ALDH5A1: variants seen among roughly 807,000 people sequenced by gnomAD.
ALDH5A1 encodes the protein aldehyde dehydrogenase 5 family member A1.
Under a neutral mutation model 54.7 loss-of-function variants are expected in ALDH5A1, and 33 were observed. That is an observed-to-expected ratio of 0.60 (90% CI 0.46 to 0.81). ALDH5A1 has a LOEUF of 0.81. Among genes scored for constraint, ALDH5A1 ranks in the 30% least tolerant of loss-of-function variants. The pLI is 0.00. For synonymous variants in ALDH5A1, 294 were observed against 292.7 expected (o/e 1.00, Z -0.05); for missense variants, 657 against 711.0 (o/e 0.92, Z 0.86).
chr6:24,528,186 G>T lies in ALDH5A1; in HGVS notation c.1343+20G>T. On this transcript the variant is annotated intron_variant, in intron 8 of 9. Coordinates refer to ENST00000357578, the MANE Select transcript of ALDH5A1 (RefSeq NM_001080.3). ...TATCAAGTAAGATCCTCCAGCCAGC[G>T]GGGAGATGGGAGGAAGAATAGAAGA... 1 of 1,613,086 alleles carries T rather than the reference G, an allele frequency of 6.2e-7. No individual in the cohort carries two copies. Among genetic ancestry groups the T allele is most frequent in the East Asian group, 2.2e-5 (1 of 44,856 alleles).
chr6:24,506,243 CTTTTTTTTTTTTTTTTTTT>C (rs70974913), intron 4 of ALDH5A1, among the ~76,000 whole-genome samples: 1 of 52,132 alleles, frequency 1.9e-5, no homozygotes, highest in Non-Finnish European at 3.4e-5. Context: ...TTCCTGGTTC[CTTTTTTTTTTTTTTTTTTT>C]TTTTTTTTTT....
intron 9 of ALDH5A1, 95 bp from the exon 10 acceptor site, chr6:24,533,412 C>T (rs1759973057): frequency 3.7e-6 from 5 of 1,353,232 alleles, no homozygotes; most frequent in Admixed American, 3.7e-5. Flanking sequence ...GCCCAAGTGG[C>T]TGGACAAAAA....
intron 6 of ALDH5A1, among the ~76,000 whole-genome samples, chr6:24,522,322 A>ATAAG (rs934809309): frequency 6.6e-6 from 1 of 152,096 alleles, no homozygotes; most frequent in Admixed American, 6.6e-5. Flanking sequence ...ACAAAAGACT[A>ATAAG]TAAGTTGGTG....
intron 1 of ALDH5A1, among the ~76,000 whole-genome samples, chr6:24,502,141 G>A (rs1028162523): frequency 2.6e-5 from 4 of 152,076 alleles, no homozygotes; most frequent in Non-Finnish European, 4.4e-5. Context: ...TACCAGGAAT[G>A]ACAATGTCTG....
rs1210327734 is a variant in ALDH5A1 at position 24,509,334 on chromosome 6, G to T, written c.726+4349G>T. Among the ~76,000 whole-genome samples the T allele has an allele frequency of 6.6e-6, 1 of 152,114 alleles. No individual in the cohort carries two copies. The highest frequency in any genetic ancestry group is 1.5e-5 in the Non-Finnish European group (1 of 68,010). On this transcript the variant is annotated intron_variant, in intron 4 of 9. Transcript: ENST00000357578. This position sits in a 1 kb window ranked among gnomAD's most constrained non-coding sequence, Gnocchi z 4.7. ...GATCCAGTTTTATTTTCCCACATGT[G>T]GCTTGCCAATTATCCCAGCACCATT...
rs1410523920 is a variant in ALDH5A1, at chr6:24,526,974, G to GTGTGTATA, written c.1174-1022_1174-1021insGTGTATAT. ...ATCTAATATATATATATGTGTGTGT[G>GTGTGTATA]TATATATATATATATATATATATAT... On this transcript the variant is annotated intron_variant, in intron 7 of 9. Coordinates refer to ENST00000357578, the MANE Select transcript of ALDH5A1 (RefSeq NM_001080.3). Among the ~76,000 whole-genome samples the GTGTGTATA allele has an allele frequency of 5.9e-4, 18 of 30,608 alleles. 1 individual carries two copies. The highest frequency in any genetic ancestry group is 1.8e-3 in the African/African-American group (18 of 10,150). The allele number at this position is 30,608 out of a possible 152,430, so 20.1% of individuals were successfully genotyped here.
chr6:24,510,185 A>G (rs544437047), intron 4 of ALDH5A1, among the ~76,000 whole-genome samples: 6 of 152,026 alleles, frequency 3.9e-5, no homozygotes, highest in East Asian at 1.9e-4. Flanking sequence ...TATAATTTCA[A>G]TTTTCTTAAA....
At chr6:24,520,837 C>T (rs1035830568) in intron 6 of ALDH5A1, among the ~76,000 whole-genome samples, 2 of 152,202 alleles carry the variant, frequency 1.3e-5, no homozygotes, top group African/African-American at 4.8e-5. Flanking sequence ...GGTACAGTCC[C>T]TGGCTTCAAA....
At chr6:24,513,628 T>C (rs959933287) in intron 4 of ALDH5A1, among the ~76,000 whole-genome samples, 18 of 144,330 alleles carry the variant, frequency 1.2e-4, no homozygotes, top group Non-Finnish European at 2.6e-4. Context: ...GGCTGGACTC[T>C]CCATGCCCTT....
intron 4 of ALDH5A1, among the ~76,000 whole-genome samples, chr6:24,510,710 G>T (rs974731466): frequency 1.1e-4 from 16 of 152,042 alleles, no homozygotes; most frequent in Admixed American, 1.0e-3. Context: ...GTATTAGGTG[G>T]GTCTCTTAAA....
intron 1 of ALDH5A1, among the ~76,000 whole-genome samples, chr6:24,496,775 A>G (rs1451806272): frequency 6.6e-6 from 1 of 152,192 alleles, no homozygotes; most frequent in Non-Finnish European, 1.5e-5. Context: ...TTCTTCTTTT[A>G]AAAACAGGAG....
rs1448473781 is a variant in ALDH5A1 at position 24,535,021 on chromosome 6, TGAAA to T, written c.*1316_*1319del. The stretch of plus-strand genomic sequence containing the variant: ...CTATGACCGGCGTTGCCTCTCACTT[TGAAA>T]GAAAGACTCCGTAATCTTAAACAGA... On this transcript the variant is annotated 3_prime_UTR_variant, in exon 10 of 10. Transcript: ENST00000357578. 1 of 152,220 alleles carries T rather than the reference TGAAA, an allele frequency of 6.6e-6. No homozygotes were observed. Among genetic ancestry groups the T allele is most frequent in the Non-Finnish European group, 1.5e-5 (1 of 68,040 alleles). The allele number at this position is 152,220 out of a possible 1,614,324, so 9.4% of individuals were successfully genotyped here. A position where few individuals can be genotyped will look rare whatever the true frequency, so the allele number is the denominator to read the frequency against.
chr6:24,512,761 C>G (rs1759482388), intron 4 of ALDH5A1, among the ~76,000 whole-genome samples: 1 of 152,202 alleles, frequency 6.6e-6, no homozygotes, highest in Non-Finnish European at 1.5e-5. Context: ...ACAGTCTTGG[C>G]TCACTGCAAT....
At chr6:24,512,513 T>C (rs1759477873) in intron 4 of ALDH5A1, among the ~76,000 whole-genome samples, 2 of 152,226 alleles carry the variant, frequency 1.3e-5, no homozygotes, top group Non-Finnish European at 2.9e-5. Context: ...TGAAATGATT[T>C]ACTTCTTTCT....
In ALDH5A1 at chr6:24,495,274, G is replaced by GCGGGGTGCGAGAGGCC; in HGVS notation, c.281_296dup (p.Ala100GlyfsTer41). The GCGGGGTGCGAGAGGCC allele has an allele frequency of 1.3e-6, 2 of 1,532,740 alleles. No individual in the cohort carries two copies. The highest frequency in any genetic ancestry group is 2.4e-5 in the South Asian group (2 of 83,918). The allele number at this position is 1,532,740 out of a possible 1,614,324, so 94.9% of individuals were successfully genotyped here. A position where few individuals can be genotyped will look rare whatever the true frequency, so the allele number is the denominator to read the frequency against. On this transcript the variant is annotated frameshift_variant, in exon 1 of 10. Transcript: ENST00000357578. LOFTEE classifies it high-confidence loss of function. The stretch of plus-strand genomic sequence containing the variant: ...GCCGCTCTGGGCATGGTAGCCGACT[G>GCGGGGTGCGAGAGGCC]CGGGGTGCGAGAGGCCCGCGCCGCC...
At chr6:24,515,113 T>TTTTTTTTTTTGTTTTTTTTTTC in intron 4 of ALDH5A1, 54 bp from the exon 5 acceptor site, 1 of 1,497,774 alleles carries the variant, frequency 6.7e-7, no homozygotes, top group Non-Finnish European at 9.0e-7. Context: ...TTTTTTTTTT[T>TTTTTTTTTTTGTTTTTTTTTTC]TTTTTTTTCA....
At chr6:24,524,673 T>C (rs1759768694) in intron 7 of ALDH5A1, among the ~76,000 whole-genome samples, 1 of 152,172 alleles carries the variant, frequency 6.6e-6, no homozygotes, top group Non-Finnish European at 1.5e-5. Flanking sequence ...TACATTAAAA[T>C]TTACATTGGA....
intron 1 of ALDH5A1, among the ~76,000 whole-genome samples, chr6:24,498,874 G>A (rs987345068): frequency 2.0e-5 from 3 of 152,120 alleles, no homozygotes; most frequent in Admixed American, 6.5e-5. Flanking sequence ...TAAGGCAGGT[G>A]GATCACTTGA....
intron 7 of ALDH5A1, among the ~76,000 whole-genome samples, chr6:24,526,671 C>T (rs977071496): frequency 2.0e-5 from 3 of 150,572 alleles, no homozygotes; most frequent in Admixed American, 1.3e-4. Flanking sequence ...AATACCCGTC[C>T]AGTAGTAGGA....
Sources: allele counts gnomAD v4.1 joint callset (sites outside exome capture counted in the v4.1 genomes callset), GRCh38; gene constraint gnomAD v4.1.1; non-coding constraint Gnocchi (gnomAD v3.1); transcripts MANE v1.5; gene names NCBI Gene and HGNC (gene_info 2026-07-23, HGNC 2026-07-21).